TC2N: variants seen among roughly 807,000 people sequenced by gnomAD.
The protein encoded by TC2N is tandem C2 domains nuclear protein.
TC2N carries 51 observed loss-of-function variants against 61.9 expected under a neutral mutation model. That is an observed-to-expected ratio of 0.82 (90% CI 0.66 to 1.04). The LOEUF (loss-of-function observed/expected upper bound fraction) is 1.04. TC2N is among the 50% of genes least tolerant of loss of function. The pLI, the probability that TC2N is intolerant of heterozygous loss-of-function variation, is 0.00. For synonymous variants in TC2N, 204 were observed against 192.6 expected (o/e 1.06, Z -0.49); for missense variants, 556 against 566.7 (o/e 0.98, Z 0.19).
chr14:91,797,749 A>C, intron 8 of TC2N, 36 bp downstream of exon 8: 1 of 1,316,568 alleles, frequency 7.6e-7, no homozygotes, highest in Non-Finnish European at 1.1e-6. Flanking sequence ...AAAAAAAAAA[A>C]ACAGAAAAGA....
intron 1 of TC2N, among the ~76,000 whole-genome samples, chr14:91,841,498 G>T (rs1888161474): frequency 6.6e-6 from 1 of 152,186 alleles, no homozygotes; most frequent in African/African-American, 2.4e-5. Context: ...GACTACACGT[G>T]GTGGCAGACA....
Position 91,792,561 on chromosome 14 carries a change from TA to T in TC2N, c.856-4del, listed in dbSNP as rs757388124. 6,950 of 1,263,330 alleles carry T rather than the reference TA, an allele frequency of 5.5e-3. 14 individuals are homozygous for T. Among genetic ancestry groups the T allele is most frequent in the Non-Finnish European group, 5.8e-3 (5,436 of 932,662 alleles). 78.3% of individuals were successfully genotyped at this position (1,263,330 alleles called of 1,614,324 possible). On this transcript the variant is annotated splice_region_variant and splice_polypyrimidine_tract_variant and intron_variant, in intron 8 of 11. Transcript: ENST00000435962. ...AACGTTTCCATAAATTCAATAGCCT[TA>T]AAAAAAAAACAAGAAAACATAAAAT... is the stretch of plus-strand genomic sequence containing the variant.
intron 7 of TC2N, 74 bp from the exon 8 acceptor site, chr14:91,797,975 G>A (rs898986562): frequency 1.1e-5 from 11 of 1,010,474 alleles, no homozygotes; most frequent in Non-Finnish European, 1.6e-5. Context: ...ATTTCTTGAG[G>A]TACTGACTTT....
At position 91,783,154 on chromosome 14, in the gene TC2N, T is replaced by G. The variant is rs375772395; in HGVS notation, c.1419A>C (p.Thr473=). ...NIEAVNQWKE[T]VINPEKVVIR... ...TAACAACCTTTTCTGGATTTATTAC[T>G]GTCTCTTTCCACTGGTTCACTGCTT... Residue 473 remains threonine, a synonymous_variant, in exon 12 of 12, where the codon ACA becomes ACC. Coordinates refer to ENST00000435962, the MANE Select transcript of TC2N (RefSeq NM_001128596.3). 4.8e-5 allele frequency: 77 copies of G among 1,612,104 alleles called. No homozygotes were observed. The Admixed American group carries it at 1.2e-3, about 25-fold the overall frequency.
At chr14:91,785,748 C>G (rs1376787619) in intron 10 of TC2N, among the ~76,000 whole-genome samples, 1 of 151,738 alleles carries the variant, frequency 6.6e-6, no homozygotes, top group Non-Finnish European at 1.5e-5. Context: ...ATAAAAGACT[C>G]CAGGAGTTAA....
intron 1 of TC2N, among the ~76,000 whole-genome samples, chr14:91,839,552 C>T (rs756749255): frequency 7.2e-5 from 11 of 152,192 alleles, no homozygotes; most frequent in Non-Finnish European, 1.2e-4. Flanking sequence ...CCTGAGCACA[C>T]AGCATAGCAC....
intron 1 of TC2N, among the ~76,000 whole-genome samples, chr14:91,814,379 C>T (rs1266561465): frequency 6.8e-6 from 1 of 146,056 alleles, no homozygotes; most frequent in Non-Finnish European, 1.5e-5. Context: ...AAGTCAAGGG[C>T]AAACCTAGAA....
chr14:91,843,158 C>T (rs915987078), intron 1 of TC2N, among the ~76,000 whole-genome samples: 1 of 152,118 alleles, frequency 6.6e-6, no homozygotes, highest in Non-Finnish European at 1.5e-5. Context: ...CAGAGTCATG[C>T]CAGGTAAACC....
chr14:91,820,001 T>C (rs1460692799), intron 1 of TC2N, among the ~76,000 whole-genome samples: 2 of 151,838 alleles, frequency 1.3e-5, no homozygotes, highest in Non-Finnish European at 2.9e-5. Flanking sequence ...AAAGAACAGA[T>C]AGGATGAGTA....
At chr14:91,812,250 G>A in intron 3 of TC2N, 62 bp downstream of exon 3, 1 of 840,346 alleles carries the variant, frequency 1.2e-6, no homozygotes, top group Non-Finnish European at 1.7e-6. Context: ...AAATATAAAA[G>A]TAAAATAATA....
At chr14:91,801,402 C>T (rs1886242446) in intron 4 of TC2N, among the ~76,000 whole-genome samples, 1 of 152,104 alleles carries the variant, frequency 6.6e-6, no homozygotes, top group Non-Finnish European at 1.5e-5. Flanking sequence ...GCCTGTAATC[C>T]CAGCAATTTG....
chr14:91,788,783 C>A (rs532016328), intron 9 of TC2N, among the ~76,000 whole-genome samples: 1 of 152,274 alleles, frequency 6.6e-6, no homozygotes, highest in African/African-American at 2.4e-5. Flanking sequence ...AATTGCTTAA[C>A]AAGTACAAAC....
intron 1 of TC2N, among the ~76,000 whole-genome samples, chr14:91,845,228 T>A (rs1020946486): frequency 8.1e-6 from 1 of 123,700 alleles, no homozygotes; most frequent in African/African-American, 2.9e-5. Flanking sequence ...TGAAACTCCA[T>A]CTCAAAATAA....
At chr14:91,788,084 A>G (rs1045524120) in intron 9 of TC2N, among the ~76,000 whole-genome samples, 19 of 152,062 alleles carry the variant, frequency 1.2e-4, no homozygotes, top group Admixed American at 7.2e-4. Flanking sequence ...TACCACAATC[A>G]GAAGACAGCA....
intron 1 of TC2N, among the ~76,000 whole-genome samples, chr14:91,839,356 A>C (rs539441849): frequency 6.6e-6 from 1 of 152,272 alleles, no homozygotes; most frequent in Admixed American, 6.5e-5. Context: ...TAGACAATGA[A>C]ACCCCACAAC....
chr14:91,864,714 C>T (rs1290135260), intron 1 of TC2N, among the ~76,000 whole-genome samples: 2 of 151,810 alleles, frequency 1.3e-5, no homozygotes, highest in Non-Finnish European at 2.9e-5. Context: ...TTCTCAAATC[C>T]TAATAAACAG....
At chr14:91,799,246 G>A (rs1367991753) in intron 5 of TC2N, among the ~76,000 whole-genome samples, 182 bp from the exon 6 acceptor site, 1 of 151,642 alleles carries the variant, frequency 6.6e-6, no homozygotes, top group African/African-American at 2.4e-5. Context: ...GCATTTGTTA[G>A]GAATATCTTA....
intron 1 of TC2N, among the ~76,000 whole-genome samples, chr14:91,851,679 C>T (rs1409620728): frequency 6.6e-6 from 1 of 152,098 alleles, no homozygotes; most frequent in Non-Finnish European, 1.5e-5. Flanking sequence ...TTTTCTCTTC[C>T]CAAATGCCTA....
chr14:91,821,383 T>C lies in TC2N; in HGVS notation c.-56-7558A>G, dbSNP rs1256046520. Among the ~76,000 whole-genome samples the C allele has an allele frequency of 2.6e-5, 4 of 152,134 alleles. No individual in the cohort carries two copies. In the South Asian group the frequency reaches 6.2e-4, roughly 24 times the overall value. On this transcript the variant is annotated intron_variant, in intron 1 of 11. Transcript: ENST00000435962. ...TTTTAAAGGGAAAGAAATAGTGTTT[T>C]CAACAAATGGTGCTAGGACACTGAA... is the stretch of plus-strand genomic sequence containing the variant.
Sources: gnomAD v4.1 joint callset for allele counts (sites outside exome capture counted in the v4.1 genomes callset) on GRCh38, gnomAD v4.1.1 for gene constraint, MANE v1.5 for transcripts, NCBI Gene and HGNC (gene_info 2026-07-23, HGNC 2026-07-21) for gene names.